Variants in NEMP2 observed in about 807,000 individuals in gnomAD.
NEMP2 encodes nuclear envelope integral membrane protein 2.
A neutral mutation model predicts 54.2 loss-of-function variants in NEMP2; 53 were observed. The observed-to-expected ratio is 0.98, with a 90% CI of 0.78 to 1.23. NEMP2 has a LOEUF of 1.23. Among genes scored for constraint, NEMP2 ranks in the 50% most tolerant of loss-of-function variants. The pLI is 0.00. For synonymous variants in NEMP2, 197 were observed against 190.3 expected (o/e 1.04, Z -0.29); for missense variants, 455 against 511.3 (o/e 0.89, Z 1.06).
chr2:190,516,551 AC>A (rs1476083134), intron 5 of NEMP2, among the ~76,000 whole-genome samples, 167 bp from the exon 6 acceptor site: 1 of 152,164 alleles, frequency 6.6e-6, no homozygotes, highest in African/African-American at 2.4e-5. Context: ...AATCAGCAAC[AC>A]CGACATCACA....
the NEMP2 span, chr2:190,489,879 ATTCT>A: frequency 3.7e-6 from 6 of 1,608,530 alleles, no homozygotes; most frequent in African/African-American, 8.0e-5. The surrounding 1 kb of genome is among the most constrained non-coding windows in gnomAD (Gnocchi z 6.6). Context: ...AATTATTTCC[ATTCT>A]TTCTTAATAT....
the NEMP2 span, among the ~76,000 whole-genome samples, chr2:190,601,613 A>G: frequency 6.6e-6 from 1 of 152,236 alleles, no homozygotes; most frequent in African/African-American, 2.4e-5. This position sits in a 1 kb window ranked among gnomAD's most constrained non-coding sequence, Gnocchi z 5.8. Context: ...GAGCAACTCC[A>G]TGAAAATAAT....
chr2:190,577,115 G>A, the NEMP2 span, among the ~76,000 whole-genome samples: 12 of 152,340 alleles, frequency 7.9e-5, no homozygotes, highest in Admixed American at 2.0e-4. This position sits in a 1 kb window ranked among gnomAD's most constrained non-coding sequence, Gnocchi z 4.8. Context: ...AGTCCAGTGT[G>A]TAGATGACAG....
the NEMP2 span, among the ~76,000 whole-genome samples, chr2:190,496,083 CTA>C: frequency 6.6e-6 from 1 of 151,756 alleles, no homozygotes; most frequent in South Asian, 2.1e-4. This position sits in a 1 kb window ranked among gnomAD's most constrained non-coding sequence, Gnocchi z 4.7. Context: ...AATCTTCAGT[CTA>C]TATATCCGAC....
chr2:190,621,384 T>C, the NEMP2 span, among the ~76,000 whole-genome samples: 2 of 152,122 alleles, frequency 1.3e-5, no homozygotes, highest in Admixed American at 1.3e-4. Context: ...ATAGAAAAGG[T>C]AGAGTAAAAA....
the NEMP2 span, among the ~76,000 whole-genome samples, chr2:190,455,596 G>A: frequency 4.6e-5 from 7 of 152,174 alleles, no homozygotes; most frequent in Admixed American, 2.0e-4. Context: ...TAATAACAAC[G>A]CTTATCCTTC....
At chr2:190,540,799 ATTGGTATTAGTTTTTC>A in the NEMP2 span, among the ~76,000 whole-genome samples, 1 of 152,282 alleles carries the variant, frequency 6.6e-6, no homozygotes, top group East Asian at 1.9e-4. Context: ...TTTGAGTAGA[ATTGGTATTAGTTTTTC>A]TTTCAATGTT....
the NEMP2 span, among the ~76,000 whole-genome samples, chr2:190,464,511 T>C: frequency 6.6e-6 from 1 of 152,232 alleles, no homozygotes; most frequent in Non-Finnish European, 1.5e-5. Context: ...TCAAAAATCC[T>C]TAGACTGTAA....
At chr2:190,545,179 T>C in the NEMP2 span, among the ~76,000 whole-genome samples, 2 of 152,148 alleles carry the variant, frequency 1.3e-5, no homozygotes, top group Non-Finnish European at 2.9e-5. Context: ...AGGATTACAC[T>C]ATAAATAAAA....
chr2:190,433,268 C>T, the NEMP2 span: 1 of 152,024 alleles, frequency 6.6e-6, no homozygotes, highest in Non-Finnish European at 1.5e-5. The surrounding 1 kb of genome is among the most constrained non-coding windows in gnomAD (Gnocchi z 4.5). Flanking sequence ...GAATTTTGAG[C>T]TCAGGAATTA....
At chr2:190,485,437 G>C in the NEMP2 span, among the ~76,000 whole-genome samples, 1 of 152,022 alleles carries the variant, frequency 6.6e-6, no homozygotes, top group Non-Finnish European at 1.5e-5. This position sits in a 1 kb window ranked among gnomAD's most constrained non-coding sequence, Gnocchi z 5.1. Context: ...TTTAAGAAAT[G>C]ATTTCCAAAT....
At chr2:190,543,011 T>C in the NEMP2 span, among the ~76,000 whole-genome samples, 1 of 152,202 alleles carries the variant, frequency 6.6e-6, no homozygotes, top group Non-Finnish European at 1.5e-5. This position sits in a 1 kb window ranked among gnomAD's most constrained non-coding sequence, Gnocchi z 4.7. Flanking sequence ...ATCTGGCTTG[T>C]TTGGGTTTTT....
chr2:190,536,365 T>C (rs964502399), upstream of NEMP2, among the ~76,000 whole-genome samples: 11 of 152,120 alleles, frequency 7.2e-5, no homozygotes, highest in African/African-American at 2.2e-4. Context: ...CTTCTGCCCT[T>C]TGGGGAGCAG....
At chr2:190,467,986 CCT>C in the NEMP2 span, among the ~76,000 whole-genome samples, 2 of 152,168 alleles carry the variant, frequency 1.3e-5, no homozygotes, top group Non-Finnish European at 2.9e-5. This position sits in a 1 kb window ranked among gnomAD's most constrained non-coding sequence, Gnocchi z 5.5. Context: ...TTTGCTGACC[CCT>C]GAGTTAGGGT....
Position 190,509,041 on chromosome 2 carries a change from G to A in NEMP2, c.*148C>T. The A allele has an allele frequency of 2.5e-6, 3 of 1,204,766 alleles. No individual in the cohort carries two copies. The highest frequency in any genetic ancestry group is 2.6e-5 in the East Asian group (1 of 38,660). The allele number at this position is 1,204,766 out of a possible 1,614,324, so 74.6% of individuals were successfully genotyped here. On this transcript the variant is annotated 3_prime_UTR_variant, in exon 9 of 9. Coordinates refer to ENST00000409150, the MANE Select transcript of NEMP2 (RefSeq NM_001142645.2). The surrounding 1 kb of genome is among the most constrained non-coding windows in gnomAD (Gnocchi z 6.1). ...GAATGCTAAGTTATCTTCAAAATGG[G>A]TTGGTTTCCCTTTCCAGACTGACTT...
In NEMP2 at chr2:190,509,465, T is replaced by C. The variant is rs972239249; in HGVS notation, c.1131-153A>G. ...TACACAGTGGGTGTAAAAATGGGAA[T>C]GGCTTATGTGATCCCTCTAAAAACA... On this transcript the variant is annotated intron_variant, in intron 8 of 8. Transcript: ENST00000409150. This position sits in a 1 kb window ranked among gnomAD's most constrained non-coding sequence, Gnocchi z 6.1. Among the ~76,000 whole-genome samples, 1 of 152,210 alleles carries C rather than the reference T, an allele frequency of 6.6e-6. No homozygotes were observed. The highest frequency in any genetic ancestry group is 2.4e-5 in the African/African-American group (1 of 41,450).
chr2:190,610,778 A>T, the NEMP2 span: 1 of 152,392 alleles, frequency 6.6e-6, no homozygotes, highest in South Asian at 2.1e-4. This position sits in a 1 kb window ranked among gnomAD's most constrained non-coding sequence, Gnocchi z 5.4. Context: ...AATTGTTAAA[A>T]GCTGTCAATA....
chr2:190,602,888 G>A, the NEMP2 span, among the ~76,000 whole-genome samples: 1 of 152,124 alleles, frequency 6.6e-6, no homozygotes, highest in Admixed American at 6.6e-5. Context: ...GAAGGAAGAG[G>A]GAGCAAGGAG....
chr2:190,635,750 C>T, the NEMP2 span, among the ~76,000 whole-genome samples: 19 of 152,342 alleles, frequency 1.2e-4, no homozygotes, highest in Non-Finnish European at 1.2e-4. The surrounding 1 kb of genome is among the most constrained non-coding windows in gnomAD (Gnocchi z 4.1). Context: ...TCAGAGACTA[C>T]ACCTAGGAGT....
Sources: gnomAD v4.1 joint callset for allele counts (sites outside exome capture counted in the v4.1 genomes callset) on GRCh38, gnomAD v4.1.1 for gene constraint, Gnocchi (gnomAD v3.1) non-coding constraint, MANE v1.5 for transcripts, NCBI Gene and HGNC (gene_info 2026-07-23, HGNC 2026-07-21) for gene names.